TMEM132D: variants seen among roughly 807,000 people sequenced by gnomAD.
TMEM132D encodes mature OL transmembrane protein.
Under a neutral mutation model 62.3 loss-of-function variants are expected in TMEM132D, and 21 were observed. The observed-to-expected ratio is 0.34, with a 90% CI of 0.24 to 0.49. The LOEUF (loss-of-function observed/expected upper bound fraction) is 0.49. TMEM132D is among the 20% of genes least tolerant of loss of function. The pLI is 0.99. For missense variants in TMEM132D, 1,346 were observed against 1,402.8 expected (o/e 0.96, Z 0.65); for synonymous variants, 621 against 575.6 (o/e 1.08, Z -1.13).
intron 4 of TMEM132D, among the ~76,000 whole-genome samples, chr12:129,256,946 C>T (rs937746468): frequency 4.6e-5 from 7 of 152,166 alleles, no homozygotes; most frequent in African/African-American, 1.7e-4. Context: ...ATTTCTTGAG[C>T]AGATTCTTCA....
intron 2 of TMEM132D, among the ~76,000 whole-genome samples, chr12:129,634,729 ATT>A (rs1879435543): frequency 6.6e-6 from 1 of 152,070 alleles, no homozygotes; most frequent in African/African-American, 2.4e-5. Context: ...TTATGTTGTT[ATT>A]TTGTTTTATA....
chr12:129,588,619 G>A (rs984914819), intron 2 of TMEM132D, among the ~76,000 whole-genome samples: 3 of 151,752 alleles, frequency 2.0e-5, no homozygotes, highest in African/African-American at 7.3e-5. Flanking sequence ...CTGCCACCCA[G>A]GCTGGAGTGC....
chr12:129,463,514 T>G (rs1211102463), intron 3 of TMEM132D, among the ~76,000 whole-genome samples: 1 of 151,632 alleles, frequency 6.6e-6, no homozygotes, highest in African/African-American at 2.4e-5. Flanking sequence ...AGGGTACATG[T>G]GCACAACATG....
chr12:129,194,753 C>T (rs772049310), intron 5 of TMEM132D, among the ~76,000 whole-genome samples: 5 of 152,100 alleles, frequency 3.3e-5, no homozygotes, highest in East Asian at 1.9e-4. Context: ...AAAAATTCAC[C>T]GTGCAGTGAG....
chr12:129,899,864 ACACTCT>A (rs1472186699), intron 1 of TMEM132D, among the ~76,000 whole-genome samples: 1 of 58,914 alleles, frequency 1.7e-5, no homozygotes, highest in African/African-American at 6.2e-5. Context: ...GCAAAAAGCC[ACACTCT>A]CTCTCTCCCC....
chr12:129,154,199 G>T (rs893178356), intron 5 of TMEM132D, among the ~76,000 whole-genome samples: 1 of 152,144 alleles, frequency 6.6e-6, no homozygotes, highest in African/African-American at 2.4e-5. Flanking sequence ...GCATTTGTGG[G>T]ATGACAGCTC....
chr12:129,820,298 C>T (rs966688805), intron 1 of TMEM132D, among the ~76,000 whole-genome samples: 1 of 152,182 alleles, frequency 6.6e-6, no homozygotes, highest in African/African-American at 2.4e-5. Flanking sequence ...ACCCATTATT[C>T]CATTTGCACG....
chr12:129,335,098 T>C (rs1172415371), intron 4 of TMEM132D, among the ~76,000 whole-genome samples: 2 of 151,992 alleles, frequency 1.3e-5, no homozygotes, highest in East Asian at 3.9e-4. Context: ...TACTGTGTGT[T>C]TGCTATAGGC....
At chr12:129,489,690 T>G (rs1216221646) in intron 3 of TMEM132D, among the ~76,000 whole-genome samples, 1 of 152,234 alleles carries the variant, frequency 6.6e-6, no homozygotes, top group Non-Finnish European at 1.5e-5. Flanking sequence ...ACTTTTATTA[T>G]TTTCTAAAAT....
At chr12:129,203,209 C>T (rs1878757715) in intron 5 of TMEM132D, among the ~76,000 whole-genome samples, 1 of 152,222 alleles carries the variant, frequency 6.6e-6, no homozygotes, top group South Asian at 2.1e-4. Context: ...GCATCTGCAC[C>T]TCACTCTGTT....
At chr12:129,181,607 A>G (rs2135551299) in intron 5 of TMEM132D, among the ~76,000 whole-genome samples, 1 of 151,740 alleles carries the variant, frequency 6.6e-6, no homozygotes, top group East Asian at 1.9e-4. Flanking sequence ...CACCTCTCCC[A>G]CCTCATCTCC....
At chr12:129,123,164 G>T (rs1876115082) in intron 5 of TMEM132D, among the ~76,000 whole-genome samples, 1 of 152,098 alleles carries the variant, frequency 6.6e-6, no homozygotes, top group South Asian at 2.1e-4. Flanking sequence ...GTTATTTCAT[G>T]AATAAAGCAG....
At chr12:129,223,775 C>T (rs565051105) in intron 4 of TMEM132D, among the ~76,000 whole-genome samples, 6 of 152,228 alleles carry the variant, frequency 3.9e-5, no homozygotes, top group Admixed American at 6.5e-5. Context: ...AGGATGATAA[C>T]GTCTACATTG....
chr12:129,587,504 T>A (rs1565913785), intron 2 of TMEM132D, among the ~76,000 whole-genome samples: 1 of 152,120 alleles, frequency 6.6e-6, no homozygotes, highest in East Asian at 1.9e-4. Flanking sequence ...CGAGTTTACC[T>A]ATGTAACACA....
intron 4 of TMEM132D, among the ~76,000 whole-genome samples, chr12:129,225,006 G>T (rs913096618): frequency 1.3e-5 from 2 of 152,130 alleles, no homozygotes; most frequent in Non-Finnish European, 1.5e-5. Context: ...GGAAACAGGA[G>T]AGCTTAGGGT....
chr12:129,389,444 T>C (rs1871236051), intron 3 of TMEM132D, among the ~76,000 whole-genome samples: 1 of 150,790 alleles, frequency 6.6e-6, no homozygotes, highest in Admixed American at 6.6e-5. Context: ...CTAACACCAA[T>C]CTAATACTAA....
At chr12:129,395,388 T>C (rs1871394084) in intron 3 of TMEM132D, among the ~76,000 whole-genome samples, 1 of 152,150 alleles carries the variant, frequency 6.6e-6, no homozygotes, top group African/African-American at 2.4e-5. Context: ...ACAATTAAAT[T>C]AGATTTAATT....
In TMEM132D at chr12:129,378,969, AG is replaced by A. The variant is rs138345459; in HGVS notation, c.1116-41153del. ...TTTGTCAGGAGGTTATCACTCAGGA[AG>A]GGGGGGACACTTAATCAGAGAGGCC... On this transcript the variant is annotated intron_variant, in intron 3 of 8. Transcript: ENST00000422113. Among the ~76,000 whole-genome samples the A allele has an allele frequency of 2.1e-3, 318 of 152,220 alleles. 1 individual carries two copies. The highest frequency in any genetic ancestry group is 7.2e-3 in the African/African-American group (301 of 41,524).
chr12:129,471,209 C>CTT (rs3046077), intron 3 of TMEM132D, among the ~76,000 whole-genome samples: 46,952 of 145,680 alleles, frequency 0.32, 8,333 homozygotes, highest in Middle Eastern at 0.42. Flanking sequence ...GTAGATATTA[C>CTT]TTTTTTTTTT....
Sources: gnomAD v4.1 joint callset for allele counts (sites outside exome capture counted in the v4.1 genomes callset) on GRCh38, gnomAD v4.1.1 for gene constraint, MANE v1.5 for transcripts, NCBI Gene and HGNC (gene_info 2026-07-23, HGNC 2026-07-21) for gene names.